Variants in TRIM51G observed in about 807,000 individuals in gnomAD.
TRIM51G encodes tripartite motif-containing protein 51G.
the TRIM51G span, among the ~76,000 whole-genome samples, chr11:48,982,514 C>T: frequency 1.3e-5 from 2 of 151,952 alleles, no homozygotes; most frequent in East Asian, 1.9e-4. Context: ...GAGTGGGGAA[C>T]AGCAACCCTC....
the TRIM51G span, among the ~76,000 whole-genome samples, chr11:48,979,710 A>G: frequency 1.3e-5 from 2 of 151,600 alleles, no homozygotes; most frequent in Non-Finnish European, 2.9e-5. Flanking sequence ...TCATATATGT[A>G]CTCATATATA....
the TRIM51G span, chr11:48,981,217 G>A: frequency 7.2e-5 from 115 of 1,586,218 alleles, no homozygotes; most frequent in Admixed American, 5.2e-4. Context: ...ATCCAATCTC[G>A]AAGGAAATAG....
chr11:48,979,158 A>C, the TRIM51G span: 1 of 668,418 alleles, frequency 1.5e-6, no homozygotes, highest in East Asian at 3.0e-5. Context: ...CTTGAATTTC[A>C]CTGATTCCTC....
chr11:48,980,514 GC>G, the TRIM51G span, among the ~76,000 whole-genome samples: 1 of 151,986 alleles, frequency 6.6e-6, no homozygotes, highest in Admixed American at 6.6e-5. Flanking sequence ...CAATATACTT[GC>G]CCACCAGCAT....
the TRIM51G span, chr11:48,978,125 G>C: frequency 3.8e-6 from 2 of 520,626 alleles, no homozygotes; most frequent in Admixed American, 4.0e-5. Flanking sequence ...CTAAAATCTT[G>C]GTATGTACTC....
At chr11:48,979,247 T>C in the TRIM51G span, 8 of 523,362 alleles carry the variant, frequency 1.5e-5, no homozygotes, top group Admixed American at 1.3e-4. Flanking sequence ...TCCTTTCATT[T>C]CTGTATTAAT....
the TRIM51G span, among the ~76,000 whole-genome samples, chr11:48,982,021 T>C: frequency 6.6e-6 from 1 of 152,160 alleles, no homozygotes; most frequent in East Asian, 1.9e-4. Flanking sequence ...GCATAAAACA[T>C]GCTTGTCCCT....
At chr11:48,975,953 G>A in the TRIM51G span, 1 of 721,898 alleles carries the variant, frequency 1.4e-6, no homozygotes, top group Non-Finnish European at 2.6e-6. Flanking sequence ...TCTCCATGCA[G>A]GAAGATATGA....
chr11:48,975,941 A>T, the TRIM51G span: 3 of 731,564 alleles, frequency 4.1e-6, no homozygotes, highest in South Asian at 4.0e-5. Flanking sequence ...ATGCTTCTCA[A>T]ATCTCCATGC....
At chr11:48,980,771 GT>G in the TRIM51G span, 7 of 371,822 alleles carry the variant, frequency 1.9e-5, no homozygotes, top group Middle Eastern at 6.8e-4. Flanking sequence ...AAATTAGGGT[GT>G]TTTTTTCTCA....
the TRIM51G span, among the ~76,000 whole-genome samples, chr11:48,979,310 T>C: frequency 5.9e-5 from 9 of 152,184 alleles, no homozygotes; most frequent in Non-Finnish European, 1.2e-4. Flanking sequence ...TGATAAAATG[T>C]TTTCTAAGAT....
the TRIM51G span, among the ~76,000 whole-genome samples, chr11:48,980,333 C>T: frequency 7.2e-5 from 11 of 152,144 alleles, no homozygotes; most frequent in South Asian, 1.2e-3. Context: ...TACTAGTTCC[C>T]ATATTTCTCA....
At chr11:48,978,700 T>G in the TRIM51G span, among the ~76,000 whole-genome samples, 1 of 152,192 alleles carries the variant, frequency 6.6e-6, no homozygotes, top group African/African-American at 2.4e-5. Flanking sequence ...ACCTTCGGTC[T>G]GGTAGAATCA....
chr11:48,981,965 C>T, the TRIM51G span, among the ~76,000 whole-genome samples: 2 of 152,086 alleles, frequency 1.3e-5, no homozygotes, highest in Non-Finnish European at 2.9e-5. Flanking sequence ...AAAACCTATT[C>T]CCTGGATGTC....
the TRIM51G span, chr11:48,978,989 G>A: frequency 2.0e-6 from 3 of 1,471,792 alleles, no homozygotes; most frequent in Admixed American, 1.7e-5. Context: ...GCTGAAAAAT[G>A]TCCTCGCCCT....
chr11:48,981,339 C>T, the TRIM51G span: 71 of 1,607,042 alleles, frequency 4.4e-5, no homozygotes, highest in South Asian at 8.8e-5. Flanking sequence ...TCCGGTGCTC[C>T]TGAGAGTTGG....
chr11:48,981,577 T>C, the TRIM51G span: 1 of 1,601,568 alleles, frequency 6.2e-7, no homozygotes, highest in South Asian at 1.1e-5. Flanking sequence ...CCAGTTGAGG[T>C]AGAAACAGGG....
chr11:48,978,010 G>A, the TRIM51G span: 30 of 449,964 alleles, frequency 6.7e-5, no homozygotes, highest in East Asian at 2.1e-3. Context: ...ATGGGGTGGG[G>A]GATGGAGAAA....
the TRIM51G span, among the ~76,000 whole-genome samples, chr11:48,983,575 C>T: frequency 6.6e-6 from 1 of 151,178 alleles, no homozygotes; most frequent in Non-Finnish European, 1.5e-5. Context: ...TTGGAACACA[C>T]AAAATGACAA....
Sources: allele counts gnomAD v4.1 joint callset (sites outside exome capture counted in the v4.1 genomes callset), GRCh38; gene constraint gnomAD v4.1.1; transcripts MANE v1.5; gene names NCBI Gene and HGNC (gene_info 2026-07-23, HGNC 2026-07-21).